The following NPC1 variants were observed in gnomAD, a reference collection of about 807,000 sequenced individuals.
The protein encoded by NPC1 is Niemann-Pick C1 protein.
In NPC1, 85 loss-of-function variants were observed where a neutral mutation model predicts 140.4. The observed-to-expected ratio is 0.61, with a 90% CI of 0.51 to 0.72. NPC1 has a LOEUF of 0.72. Ranked by LOEUF, NPC1 falls within the 30% of genes least tolerant of loss-of-function variation. The probability of loss-of-function intolerance (pLI) is 0.00; values close to 1 mark genes in which losing one functional copy is unlikely to be tolerated. For synonymous variants in NPC1, 656 were observed against 624.8 expected, an observed-to-expected ratio of 1.05 and a Z score of -0.74; for missense variants, 1,504 against 1,623.8, an observed-to-expected ratio of 0.93 and a Z score of 1.27.
chr18:23,533,990 C>G, intron 23 of NPC1: 1 of 316,578 alleles, frequency 3.2e-6, no homozygotes, highest in Non-Finnish European at 6.0e-6. Flanking sequence ...TCTTTATATT[C>G]TCAGGTGAAA....
In NPC1 at chr18:23,560,336, G is replaced by A. The variant is rs762017544; in HGVS notation, c.776C>T (p.Pro259Leu). The A allele has an allele frequency of 2.5e-6, 4 of 1,614,244 alleles. No individual in the cohort carries two copies. Among genetic ancestry groups the A allele is most frequent in the Admixed American group, 1.7e-5 (1 of 60,034 alleles). The change falls in exon 6 of 25, where the codon CCC becomes CTC. Residue 259 changes from proline (P) to leucine (L), a missense_variant. By Grantham distance (98) the Pro-to-Leu change is moderately conservative. Transcript: ENST00000269228. The stretch of plus-strand genomic sequence containing the variant: ...GGCGTCCAAGCCAAGGATCGTCCAG[G>A]GAGCAGGAGGAGGTGGGGGCTGGGG... The part of the protein sequence containing the change: ...PKPQPPPPPA[P>L]WTILGLDAMY...
In NPC1 at chr18:23,523,682, A is replaced by G. The variant is rs138759190; in HGVS notation, c.164-776T>C. Among the ~76,000 whole-genome samples the G allele has an allele frequency of 6.6e-3, 1,000 of 152,132 alleles. 9 individuals carry two copies. The highest frequency in any genetic ancestry group is 0.023 in the African/African-American group (955 of 41,512). ...TGGTTATAGTGGGCTATGATCAACT[A>G]CTGCACTCAAGCCTGGACAGCAGAG... is the stretch of plus-strand genomic sequence containing the variant. On this transcript the variant is annotated intron_variant, in intron 1 of 1. Coordinates refer to the NPC1 transcript ENST00000590723.
chr18:23,511,147 T>C (rs1268135433), intron 3 of NPC1, among the ~76,000 whole-genome samples: 1 of 152,232 alleles, frequency 6.6e-6, no homozygotes, highest in Non-Finnish European at 1.5e-5. Context: ...TATGCAGCCA[T>C]AAAAATGAAC....
Position 23,543,440 on chromosome 18 carries a change from T to C in NPC1, c.2245+15A>G. On this transcript the variant is annotated intron_variant, in intron 14 of 24. Coordinates refer to ENST00000269228, the MANE Select transcript of NPC1 (RefSeq NM_000271.5). ...CAGCAGACTACAGGACTGGTAGGAT[T>C]GAAAGCATAATTACCTAAGAAAAAT... 1 of 1,460,640 alleles carries C rather than the reference T, an allele frequency of 6.8e-7. No individual in the cohort carries two copies. 90.5% of individuals were successfully genotyped at this position (1,460,640 alleles called of 1,614,324 possible).
At chr18:23,519,128 T>A, downstream of NPC1, 1 of 1,614,226 alleles carries the variant, frequency 6.2e-7, no homozygotes, top group Middle Eastern at 1.7e-4. Context: ...AAGTTTGCCC[T>A]GAACGTGGTG....
intron 19 of NPC1, 140 bp downstream of exon 19, chr18:23,539,215 G>A (rs2058676424): frequency 1.4e-6 from 1 of 711,862 alleles, no homozygotes; most frequent in African/African-American, 1.8e-5. Context: ...ATGAATGACT[G>A]AGGAAAGGAA....
At chr18:23,525,758 T>C (rs537790764), downstream of NPC1, among the ~76,000 whole-genome samples, 2 of 152,230 alleles carry the variant, frequency 1.3e-5, no homozygotes, top group East Asian at 3.9e-4. Context: ...GGTCTTGCCA[T>C]GTTGCCCCTG....
chr18:23,524,505 C>T (rs760432686), downstream of NPC1: 13 of 1,611,494 alleles, frequency 8.1e-6, no homozygotes, highest in East Asian at 8.9e-5. Flanking sequence ...GGACAGTTGT[C>T]GTGTTACAAC....
chr18:23,560,457 G>T lies in NPC1; in HGVS notation c.655C>A (p.Pro219Thr). The change falls in exon 6 of 25, where the codon CCC becomes ACC. Residue 219 changes from proline (P) to threonine (T), a missense_variant. By Grantham distance (38) the Pro-to-Thr change is conservative. Transcript: ENST00000269228. ...CAGCCTTTGGTGGCATTGTTCATGG[G>T]CTCCATCCCATGGACTGGAAAATCT... is the stretch of plus-strand genomic sequence containing the variant. ...FSDFPVHGME[P>T]MNNATKGCDE... 8.7e-6 allele frequency: 14 copies of T among 1,614,094 alleles called. No individual in the cohort carries two copies. Among genetic ancestry groups the T allele is most frequent in the Non-Finnish European group, 1.2e-5 (14 of 1,180,006 alleles).
intron 2 of NPC1, among the ~76,000 whole-genome samples, chr18:23,572,798 A>G (rs1038818599): frequency 1.3e-5 from 2 of 152,192 alleles, no homozygotes; most frequent in African/African-American, 4.8e-5. Flanking sequence ...GTGCCACTGC[A>G]CTCTAGCCTT....
At chr18:23,532,544 G>A (rs2058546715) in intron 24 of NPC1, among the ~76,000 whole-genome samples, 1 of 152,112 alleles carries the variant, frequency 6.6e-6, no homozygotes, top group Non-Finnish European at 1.5e-5. Context: ...GCTCAAGCAA[G>A]CTTCCTGCCT....
chr18:23,536,610 C>A, intron 21 of NPC1, 63 bp downstream of exon 21: 3 of 1,452,600 alleles, frequency 2.1e-6, no homozygotes, highest in Non-Finnish European at 2.9e-6. Flanking sequence ...GGGAACCCTC[C>A]CCACTCCCAC....
intron 10 of NPC1, among the ~76,000 whole-genome samples, chr18:23,549,658 C>T (rs1404777555): frequency 1.4e-5 from 2 of 147,782 alleles, no homozygotes; most frequent in South Asian, 2.2e-4. Flanking sequence ...AAATAAAAAC[C>T]TTTTTTTTTT....
chr18:23,533,580 T>C lies in NPC1; in HGVS notation c.3592-63A>G, dbSNP rs575380966. 3.6e-5 allele frequency: 53 copies of C among 1,489,472 alleles called. No homozygotes were observed. In the African/African-American group the frequency reaches 7.0e-4, roughly 20 times the overall value. 92.3% of individuals were successfully genotyped at this position (1,489,472 alleles called of 1,614,324 possible). The stretch of plus-strand genomic sequence containing the variant: ...CAACCTGTAATTGAACAAAAACACT[T>C]CCTTACAAGGATTTCTCCCAGGTTC... On this transcript the variant is annotated intron_variant, in intron 23 of 24. Coordinates refer to ENST00000269228, the MANE Select transcript of NPC1 (RefSeq NM_000271.5).
At chr18:23,546,172 C>G (rs2058785869) in intron 11 of NPC1, among the ~76,000 whole-genome samples, 1 of 143,974 alleles carries the variant, frequency 6.9e-6, no homozygotes, top group Non-Finnish European at 1.5e-5. Flanking sequence ...TCACTTGAAC[C>G]TGGAAGGCAG....
chr18:23,528,101 C>T (rs976418021), downstream of NPC1: 27 of 509,428 alleles, frequency 5.3e-5, no homozygotes, highest in East Asian at 1.0e-4. Flanking sequence ...CACGAGCTGG[C>T]GGCTGCATCT....
At chr18:23,540,684 G>T (rs2058701479) in intron 16 of NPC1, 147 bp from the exon 17 acceptor site, 4 of 702,784 alleles carry the variant, frequency 5.7e-6, no homozygotes, top group Middle Eastern at 2.6e-4. Flanking sequence ...AGGGCAGTGG[G>T]TGAGACCACA....
chr18:23,537,011 A>C, intron 20 of NPC1, 135 bp from the exon 21 acceptor site: 2 of 727,610 alleles, frequency 2.7e-6, no homozygotes, highest in Non-Finnish European at 5.0e-6. Flanking sequence ...TCAGGGATGA[A>C]GAAGGCCCCC....
chr18:23,525,262 T>A (rs919755760), downstream of NPC1, among the ~76,000 whole-genome samples: 4 of 151,672 alleles, frequency 2.6e-5, no homozygotes, highest in Non-Finnish European at 4.4e-5. Flanking sequence ...AATCTTATTT[T>A]TTTAAGGCAG....
Sources: allele counts gnomAD v4.1 joint callset (sites outside exome capture counted in the v4.1 genomes callset), GRCh38; gene constraint gnomAD v4.1.1; transcripts MANE v1.5; gene names NCBI Gene and HGNC (gene_info 2026-07-23, HGNC 2026-07-21).